Variants in NFX1 observed in about 807,000 individuals in gnomAD.
NFX1 encodes the protein transcriptional repressor NF-X1.
NFX1 carries 69 observed loss-of-function variants against 137.2 expected under a neutral mutation model. The ratio of observed to expected loss-of-function variants is 0.50; its 90% CI spans 0.41 to 0.61. NFX1 has a LOEUF of 0.61. NFX1 is among the 20% of genes least tolerant of loss of function. NFX1 has a pLI of 0.00. For missense variants in NFX1, 1,167 were observed against 1,391.0 expected (o/e 0.84, Z 2.56); for synonymous variants, 495 against 474.1 (o/e 1.04, Z -0.57).
At chr9:33,361,415 T>G (rs990763040) in intron 19 of NFX1, among the ~76,000 whole-genome samples, 1 of 152,198 alleles carries the variant, frequency 6.6e-6, no homozygotes, top group Non-Finnish European at 1.5e-5. Context: ...GCATATGCAT[T>G]ACCTCACATT....
intron 23 of NFX1, 146 bp downstream of exon 23, chr9:33,367,765 G>C: frequency 1.5e-6 from 1 of 684,398 alleles, no homozygotes; most frequent in Non-Finnish European, 2.5e-6. Flanking sequence ...TGTTTAGTTA[G>C]GGTATCAGAC....
chr9:33,319,530 G>A (rs1587837466), intron 9 of NFX1, among the ~76,000 whole-genome samples: 2 of 152,178 alleles, frequency 1.3e-5, no homozygotes, highest in African/African-American at 4.8e-5. Context: ...CTGGTTTGGA[G>A]ACAGAGTCTC....
At chr9:33,336,336 C>T (rs572384734) in intron 11 of NFX1, among the ~76,000 whole-genome samples, 2 of 152,274 alleles carry the variant, frequency 1.3e-5, no homozygotes, top group South Asian at 2.1e-4. Context: ...CTGCCTCAGC[C>T]TCCCGAGTAG....
chr9:33,351,285 C>G (rs1432121306), intron 15 of NFX1, among the ~76,000 whole-genome samples: 1 of 152,080 alleles, frequency 6.6e-6, no homozygotes, highest in Non-Finnish European at 1.5e-5. Flanking sequence ...TGGTGAAACC[C>G]CATCTCTTAA....
chr9:33,317,740 C>G (rs905937118), intron 7 of NFX1, among the ~76,000 whole-genome samples: 8 of 151,730 alleles, frequency 5.3e-5, no homozygotes, highest in African/African-American at 1.5e-4. Context: ...CTTTGGGAAG[C>G]TGAGGCAGGT....
At chr9:33,339,286 A>G (rs567175786) in intron 12 of NFX1, among the ~76,000 whole-genome samples, 2 of 152,290 alleles carry the variant, frequency 1.3e-5, no homozygotes, top group East Asian at 1.9e-4. Context: ...AGGCCTCACA[A>G]TCATGGTGGA....
intron 19 of NFX1, among the ~76,000 whole-genome samples, chr9:33,361,937 A>G (rs1024845430): frequency 6.6e-6 from 1 of 152,096 alleles, no homozygotes; most frequent in Non-Finnish European, 1.5e-5. Context: ...AGCCTGGGCG[A>G]CATAGCAAAA....
intron 19 of NFX1, among the ~76,000 whole-genome samples, chr9:33,358,285 C>T (rs901980168): frequency 7.9e-5 from 12 of 151,948 alleles, no homozygotes; most frequent in South Asian, 2.1e-4. Context: ...CCACTACACC[C>T]GGCTAATTTT....
intron 13 of NFX1, 72 bp from the exon 14 acceptor site, chr9:33,343,997 G>T: frequency 1.3e-6 from 2 of 1,591,398 alleles, no homozygotes; most frequent in Non-Finnish European, 8.6e-7. Flanking sequence ...GTGTGTGTTT[G>T]TGTGTGTTAG....
At chr9:33,352,274 G>T in intron 16 of NFX1, 1 of 396,770 alleles carries the variant, frequency 2.5e-6, no homozygotes, top group East Asian at 6.4e-5. Context: ...GGGAGGTTAA[G>T]CCTGGTCTAA....
At chr9:33,361,127 G>A (rs925137126) in intron 19 of NFX1, among the ~76,000 whole-genome samples, 8 of 152,008 alleles carry the variant, frequency 5.3e-5, no homozygotes, top group Admixed American at 3.3e-4. Context: ...TAATTGTGTC[G>A]TATATAATAT....
At chr9:33,325,983 C>G (rs937679649) in intron 9 of NFX1, among the ~76,000 whole-genome samples, 3 of 151,998 alleles carry the variant, frequency 2.0e-5, no homozygotes, top group African/African-American at 7.3e-5. Flanking sequence ...AGGCCTATAA[C>G]CTGTAGAAGT....
Position 33,371,069 on chromosome 9 carries a change from C to A in NFX1, c.*1091C>A, listed in dbSNP as rs1824310742. The A allele has an allele frequency of 6.6e-6, 1 of 152,228 alleles. No individual in the cohort carries two copies. Among genetic ancestry groups the A allele is most frequent in the Admixed American group, 6.5e-5 (1 of 15,280 alleles). 9.4% of individuals were successfully genotyped at this position (152,228 alleles called of 1,614,324 possible). A position where few individuals can be genotyped will look rare whatever the true frequency, so the allele number is the denominator to read the frequency against. On this transcript the variant is annotated 3_prime_UTR_variant, in exon 24 of 24. Transcript: ENST00000379540. ...CCAGCAACTTCCTTCTGCCCTAGAG[C>A]AAGCCATGAGCCCCAGAGCAGTAGC...
chr9:33,304,503 G>A (rs980598054), intron 4 of NFX1, among the ~76,000 whole-genome samples: 9 of 152,122 alleles, frequency 5.9e-5, no homozygotes, highest in Non-Finnish European at 1.3e-4. Flanking sequence ...CTTTCACAAA[G>A]AGTCAAGTCA....
At chr9:33,307,794 C>CTTT (rs139468485) in intron 5 of NFX1, among the ~76,000 whole-genome samples, 9 of 85,244 alleles carry the variant, frequency 1.1e-4, no homozygotes, top group Non-Finnish European at 1.6e-4. Flanking sequence ...TTCTTTCTTT[C>CTTT]TTTTTTTTTT....
In NFX1 at chr9:33,354,189, T is replaced by G. The variant is rs756643018; in HGVS notation, c.2831+2T>G. On this transcript the variant is annotated splice_donor_variant, in intron 18 of 23. Transcript: ENST00000379540. LOFTEE classifies it high-confidence loss of function. ...CAAAAAGGAAGTTCATCAAGCCAGG[T>G]AATTTTTAAAATGCATATATGTGCC... 1 of 1,610,116 alleles carries G rather than the reference T, an allele frequency of 6.2e-7. No homozygotes were observed. The highest frequency in any genetic ancestry group is 8.5e-7 in the Non-Finnish European group (1 of 1,178,506).
At chr9:33,300,342 T>C (rs1035217178) in intron 2 of NFX1, among the ~76,000 whole-genome samples, 2 of 152,064 alleles carry the variant, frequency 1.3e-5, no homozygotes, top group Admixed American at 6.6e-5. Context: ...GTATTACAGG[T>C]GTAAGCCACC....
rs192802765 is a variant in NFX1, at chr9:33,363,936, G to T, written c.2874-74G>T. On this transcript the variant is annotated intron_variant, in intron 19 of 23. Transcript: ENST00000379540. ...TAATGTGTAAAGAATTTAGGATATA[G>T]TAGGCACTCGGGGTTACTGCAAGAT... The T allele has an allele frequency of 7.6e-5, 69 of 909,484 alleles. No individual in the cohort carries two copies. The African/African-American group carries it at 9.5e-4, about 13-fold the overall frequency. 56.3% of individuals were successfully genotyped at this position (909,484 alleles called of 1,614,324 possible).
intron 2 of NFX1, among the ~76,000 whole-genome samples, chr9:33,297,664 TC>T: frequency 6.6e-6 from 1 of 152,208 alleles, no homozygotes; most frequent in Admixed American, 6.5e-5. Context: ...GGACTGAGGT[TC>T]CTGTTTTCTT....
Sources: gnomAD v4.1 joint callset for allele counts (sites outside exome capture counted in the v4.1 genomes callset) on GRCh38, gnomAD v4.1.1 for gene constraint, MANE v1.5 for transcripts, NCBI Gene and HGNC (gene_info 2026-07-23, HGNC 2026-07-21) for gene names.